Variants in ABR observed in about 807,000 individuals in gnomAD.
ABR encodes the protein ABR activator of RhoGEF and GTPase, also known as active breakpoint cluster region-related protein.
Under a neutral mutation model 107.2 loss-of-function variants are expected in ABR, and 35 were observed. The observed-to-expected ratio is 0.33, with a 90% CI of 0.25 to 0.43. The LOEUF (loss-of-function observed/expected upper bound fraction) is 0.43, where lower values mean the gene tolerates loss of function less well. ABR is among the 20% of genes least tolerant of loss of function. The probability of loss-of-function intolerance (pLI) is 1.00; values close to 1 mark genes in which losing one functional copy is unlikely to be tolerated. For synonymous variants in ABR, 498 were observed against 462.0 expected, an observed-to-expected ratio of 1.08 and a Z score of -1.00; for missense variants, 815 against 1,115.2, an observed-to-expected ratio of 0.73 and a Z score of 3.83.
chr17:1,207,771 TTTG>T (rs1194362512), intron 1 of ABR, among the ~76,000 whole-genome samples: 1 of 151,972 alleles, frequency 6.6e-6, no homozygotes, highest in Non-Finnish European at 1.5e-5. Context: ...TTTTTGTTTG[TTTG>T]TTGTTTTGTT....
In ABR at chr17:1,010,198, G is replaced by A. The variant is rs986466670; in HGVS notation, c.2237-414C>T. ...TGGGTGCAAGCAGCCTTCCGTGGGG[G>A]CTGAAGCTCCAGTCTGCCCCAGGAG... is the stretch of plus-strand genomic sequence containing the variant. On this transcript the variant is annotated intron_variant, in intron 20 of 22. Coordinates refer to ENST00000302538, the MANE Select transcript of ABR (RefSeq NM_021962.5). This position sits in a 1 kb window ranked among gnomAD's most constrained non-coding sequence, Gnocchi z 4.1. The A allele has an allele frequency of 8.2e-6, 2 of 242,958 alleles. No homozygotes were observed. Among genetic ancestry groups the A allele is most frequent in the Non-Finnish European group, 1.6e-5 (2 of 122,452 alleles). 15.1% of individuals were successfully genotyped at this position (242,958 alleles called of 1,614,324 possible). A position where few individuals can be genotyped will look rare whatever the true frequency, so the allele number is the denominator to read the frequency against.
In ABR at chr17:1,092,046, C is replaced by G. The variant is rs188534777; in HGVS notation, c.346-196G>C. ...CCCCAACAAGCCGCACACTCGACAG[C>G]AGGAACCTGGCCTGGCAGCTGTGCC... On this transcript the variant is annotated intron_variant, in intron 3 of 22. Coordinates refer to ENST00000302538, the MANE Select transcript of ABR (RefSeq NM_021962.5). The surrounding 1 kb of genome is among the most constrained non-coding windows in gnomAD (Gnocchi z 4.6). 3.0e-4 allele frequency among the ~76,000 whole-genome samples: 46 copies of G among 152,266 alleles called. No individual in the cohort carries two copies. Among genetic ancestry groups the G allele is most frequent in the African/African-American group, 1.0e-3 (43 of 41,558 alleles).
chr17:1,185,690 T>G (rs1327111385), intron 1 of ABR, among the ~76,000 whole-genome samples: 1 of 142,998 alleles, frequency 7.0e-6, no homozygotes, highest in African/African-American at 2.7e-5. Context: ...AGAAGGTATG[T>G]GCCCAGGTGG....
chr17:1,198,356 G>A (rs1473969070), intron 1 of ABR, among the ~76,000 whole-genome samples: 1 of 151,602 alleles, frequency 6.6e-6, no homozygotes, highest in Non-Finnish European at 1.5e-5. Context: ...GGACCAAAAA[G>A]GAAGAGGTTC....
chr17:1,130,259 C>T (rs1437964844), intron 1 of ABR, among the ~76,000 whole-genome samples: 1 of 152,136 alleles, frequency 6.6e-6, no homozygotes, highest in Non-Finnish European at 1.5e-5. Context: ...GGCATCTCCA[C>T]CTTTAGGAGC....
At chr17:1,152,064 T>A (rs1191366702) in intron 1 of ABR, among the ~76,000 whole-genome samples, 2 of 147,620 alleles carry the variant, frequency 1.4e-5, no homozygotes, top group Non-Finnish European at 3.0e-5. Context: ...CCAAAGCAGG[T>A]GGATCACGAG....
chr17:1,195,074 G>A (rs1384642776), intron 1 of ABR, among the ~76,000 whole-genome samples: 8 of 145,010 alleles, frequency 5.5e-5, no homozygotes, highest in Non-Finnish European at 9.1e-5. Flanking sequence ...TTGGGAGGCC[G>A]AGGCGGGCGG....
chr17:1,142,273 G>A (rs1229281742), intron 1 of ABR, among the ~76,000 whole-genome samples: 2 of 151,886 alleles, frequency 1.3e-5, no homozygotes, highest in Admixed American at 6.6e-5. Context: ...TGAAGTGAGC[G>A]TCTTTACAAC....
At chr17:1,126,107 T>G (rs1438317211) in intron 1 of ABR, among the ~76,000 whole-genome samples, 1 of 152,140 alleles carries the variant, frequency 6.6e-6, no homozygotes, top group African/African-American at 2.4e-5. Flanking sequence ...CCAGCACCAC[T>G]TGGGCTCCAG....
chr17:1,160,115 C>T (rs972248848), intron 1 of ABR, among the ~76,000 whole-genome samples: 13 of 152,212 alleles, frequency 8.5e-5, no homozygotes, highest in South Asian at 4.1e-4. Context: ...AGGAGCAGAG[C>T]CCTGGGGTCT....
intron 6 of ABR, among the ~76,000 whole-genome samples, chr17:1,074,619 ATC>A (rs935193832): frequency 3.9e-5 from 6 of 152,230 alleles, no homozygotes; most frequent in Admixed American, 2.0e-4. Context: ...GACTGGCCTC[ATC>A]TCTCAGAGGA....
intron 2 of ABR, among the ~76,000 whole-genome samples, chr17:1,112,621 A>AAGGAAGGAAGAGAGGAAGAAAGAG (rs1555584858): frequency 2.0e-5 from 3 of 149,226 alleles, no homozygotes; most frequent in East Asian, 4.0e-4. Flanking sequence ...GGGAGGAAGG[A>AAGGAAGGAAGAGAGGAAGAAAGAG]AGGAAGGAAG....
rs776303770 is a variant in ABR, at chr17:1,012,764, G to A, written c.1885C>T (p.Arg629Ter). 8.1e-6 allele frequency: 13 copies of A among 1,595,180 alleles called. No homozygotes were observed. The highest frequency in any genetic ancestry group is 9.4e-6 in the Non-Finnish European group (11 of 1,170,300). ...KVEFSMKFTSRDMSLKRTPSK... is the reference protein window; with the variant it reads ...KVEFSMKFTS The stretch of plus-strand genomic sequence containing the variant: ...GGGGTCCTCTTCAGGCTCATATCTC[G>A]GCTGGTGAATTTCATGGAAAATTCC... The change falls in exon 18 of 23, where the codon CGA (arginine) becomes TGA (stop). Residue 629 changes from arginine (R) to a stop codon, truncating the protein, a stop_gained. Coordinates refer to ENST00000302538, the MANE Select transcript of ABR (RefSeq NM_021962.5). LOFTEE classifies it high-confidence loss of function.
chr17:1,058,663 C>A, intron 11 of ABR, 82 bp downstream of exon 11: 2 of 1,535,288 alleles, frequency 1.3e-6, no homozygotes, highest in Non-Finnish European at 1.8e-6. Flanking sequence ...CCGGTTCGTA[C>A]AGGTCAGGGC....
chr17:1,164,152 G>A (rs1598024013), intron 1 of ABR, among the ~76,000 whole-genome samples: 1 of 116,784 alleles, frequency 8.6e-6, no homozygotes, highest in Admixed American at 8.2e-5. Flanking sequence ...ATCCAGGTGG[G>A]ACCCTGGCAA....
chr17:1,222,074 C>T (rs1598151705), intron 1 of ABR, among the ~76,000 whole-genome samples: 2 of 144,860 alleles, frequency 1.4e-5, no homozygotes, highest in South Asian at 2.2e-4. Context: ...AGGATCCCAT[C>T]TTTTTTTCTG....
intron 13 of ABR, 38 bp downstream of exon 13, chr17:1,056,960 G>A (rs2033350990): frequency 6.8e-7 from 1 of 1,466,618 alleles, no homozygotes; most frequent in Non-Finnish European, 9.5e-7. Context: ...TGAGGGCTGG[G>A]ACCTGCCGGT....
intron 2 of ABR, among the ~76,000 whole-genome samples, chr17:1,117,640 C>T (rs2039080218): frequency 2.0e-5 from 1 of 50,824 alleles, no homozygotes; most frequent in Admixed American, 2.2e-4. Flanking sequence ...GCCCGAGTTC[C>T]TCCCAGCGTT....
chr17:1,101,005 G>A, intron 2 of ABR: 1 of 481,048 alleles, frequency 2.1e-6, no homozygotes, highest in Non-Finnish European at 3.8e-6. Context: ...TGTATTTTTA[G>A]TAGAGATGGG....
Sources: allele counts gnomAD v4.1 joint callset (sites outside exome capture counted in the v4.1 genomes callset), GRCh38; gene constraint gnomAD v4.1.1; non-coding constraint Gnocchi (gnomAD v3.1); transcripts MANE v1.5; gene names NCBI Gene and HGNC (gene_info 2026-07-23, HGNC 2026-07-21).